ELP3: variants seen among roughly 807,000 people sequenced by gnomAD.
ELP3 encodes the protein elongator acetyltransferase complex subunit 3.
Under a neutral mutation model 74.9 loss-of-function variants are expected in ELP3, and 56 were observed. The ratio of observed to expected loss-of-function variants is 0.75; its 90% CI spans 0.60 to 0.93. The LOEUF is 0.93. Among genes scored for constraint, ELP3 ranks in the 40% least tolerant of loss-of-function variants. The probability of loss-of-function intolerance (pLI) is 0.00; values close to 1 mark genes in which losing one functional copy is unlikely to be tolerated. For synonymous variants in ELP3, 222 were observed against 239.8 expected (o/e 0.93, Z 0.68); for missense variants, 573 against 686.5 (o/e 0.83, Z 1.85).
At chr8:28,136,929 C>T (rs1451186981) in intron 9 of ELP3, among the ~76,000 whole-genome samples, 1 of 152,156 alleles carries the variant, frequency 6.6e-6, no homozygotes, top group African/African-American at 2.4e-5. Context: ...AAGAAAGCAG[C>T]CAGCTGGGGT....
At chr8:28,123,593 A>G (rs944031205) in intron 7 of ELP3, among the ~76,000 whole-genome samples, 12 of 152,222 alleles carry the variant, frequency 7.9e-5, no homozygotes, top group Non-Finnish European at 1.5e-5. Flanking sequence ...AGTTCTATCA[A>G]TTGCTAAGAG....
At chr8:28,158,657 G>A in intron 12 of ELP3, 24 bp downstream of exon 12, 1 of 1,597,044 alleles carries the variant, frequency 6.3e-7, no homozygotes, top group Admixed American at 1.7e-5. Context: ...TGTCATAGAG[G>A]GCCTAGGTAC....
At position 28,114,558 on chromosome 8, in the gene ELP3, G is replaced by A. The variant is rs192873850; in HGVS notation, c.617+1385G>A. 8.5e-5 allele frequency among the ~76,000 whole-genome samples: 13 copies of A among 152,200 alleles called. No homozygotes were observed. The East Asian group carries it at 1.9e-3, about 23-fold the overall frequency. ...CAAATCTCACGTGAAACAACTGAGC[G>A]AGAACTCACTTATCACCAAGGAGAT... On this transcript the variant is annotated intron_variant, in intron 7 of 14. Transcript: ENST00000256398.
intron 11 of ELP3, among the ~76,000 whole-genome samples, chr8:28,157,147 C>A (rs1315504913): frequency 2.0e-5 from 3 of 152,124 alleles, no homozygotes; most frequent in Non-Finnish European, 2.9e-5. Context: ...CCTCATAAGC[C>A]TTGTTAGCCT....
chr8:28,179,574 A>C (rs1814914952), intron 14 of ELP3, among the ~76,000 whole-genome samples: 1 of 152,128 alleles, frequency 6.6e-6, no homozygotes, highest in African/African-American at 2.4e-5. Context: ...CTTTATTCCT[A>C]TTATTACATT....
At chr8:28,103,264 T>G (rs1811563112) in intron 3 of ELP3, among the ~76,000 whole-genome samples, 1 of 152,234 alleles carries the variant, frequency 6.6e-6, no homozygotes, top group African/African-American at 2.4e-5. Flanking sequence ...CCACTGATTG[T>G]TTTATTGTCT....
chr8:28,097,878 T>C (rs187698337), intron 2 of ELP3, among the ~76,000 whole-genome samples: 1 of 152,198 alleles, frequency 6.6e-6, no homozygotes, highest in East Asian at 1.9e-4. Flanking sequence ...AGGTGGGTAA[T>C]CTGAGTCAGA....
At chr8:28,155,866 T>G in intron 10 of ELP3, 76 bp from the exon 11 acceptor site, 1 of 1,235,010 alleles carries the variant, frequency 8.1e-7, no homozygotes, top group Non-Finnish European at 1.2e-6. Flanking sequence ...TTTTTAACTT[T>G]TTTAATATCC....
intron 7 of ELP3, among the ~76,000 whole-genome samples, chr8:28,118,118 T>A (rs1205666408): frequency 2.0e-5 from 3 of 152,212 alleles, no homozygotes; most frequent in African/African-American, 4.8e-5. Flanking sequence ...GCTGACTACA[T>A]AGATGTAAAC....
chr8:28,182,517 C>T (rs533127859), intron 14 of ELP3, among the ~76,000 whole-genome samples: 4 of 152,288 alleles, frequency 2.6e-5, no homozygotes, highest in East Asian at 3.9e-4. Flanking sequence ...GCCGAGATCA[C>T]GCCATTGCAC....
rs138948870 is a variant in ELP3, at chr8:28,099,655, G to A, written c.120-173G>A. On this transcript the variant is annotated intron_variant, in intron 2 of 14. Coordinates refer to ENST00000256398, the MANE Select transcript of ELP3 (RefSeq NM_018091.6). ...AAGGGTGGGAAGTAGTCATTCACTC[G>A]TGAATTTTATTCTTCTATTTCCCTG... 4.1e-3 allele frequency among the ~76,000 whole-genome samples: 618 copies of A among 152,286 alleles called. 7 individuals carry two copies. The highest frequency in any genetic ancestry group is 6.2e-3 in the Non-Finnish European group (423 of 68,028).
intron 12 of ELP3, among the ~76,000 whole-genome samples, chr8:28,159,542 A>G (rs1048621656): frequency 6.6e-6 from 1 of 152,188 alleles, no homozygotes; most frequent in Non-Finnish European, 1.5e-5. Flanking sequence ...TGTGCGTGCA[A>G]TATTGTTACA....
intron 10 of ELP3, 133 bp downstream of exon 10, chr8:28,138,024 G>T: frequency 1.2e-6 from 1 of 818,996 alleles, no homozygotes; most frequent in Non-Finnish European, 1.8e-6. Context: ...AATGCTATCT[G>T]TAAATAGGGA....
chr8:28,118,808 T>G (rs902390754), intron 7 of ELP3: 51 of 152,334 alleles, frequency 3.3e-4, no homozygotes, highest in African/African-American at 1.2e-3. Flanking sequence ...AGTTACCCAT[T>G]AAAAAGTGAG....
chr8:28,097,380 A>T (rs942595026), intron 2 of ELP3, 62 bp downstream of exon 2: 2 of 1,062,986 alleles, frequency 1.9e-6, no homozygotes, highest in Non-Finnish European at 2.9e-6. Context: ...TTATGAAATT[A>T]TCTAGTACTA....
At chr8:28,165,240 G>A (rs1814261914) in intron 14 of ELP3, among the ~76,000 whole-genome samples, 1 of 152,134 alleles carries the variant, frequency 6.6e-6, no homozygotes, top group Non-Finnish European at 1.5e-5. Context: ...TTCTCAGCAT[G>A]ACCAATTATG....
rs907126191 is a variant in ELP3, at chr8:28,190,392, A to G, written c.*667A>G. The G allele has an allele frequency of 6.6e-6, 1 of 152,164 alleles. No individual in the cohort carries two copies. The highest frequency in any genetic ancestry group is 2.1e-4 in the South Asian group (1 of 4,822). 9.4% of individuals were successfully genotyped at this position (152,164 alleles called of 1,614,324 possible). On this transcript the variant is annotated 3_prime_UTR_variant, in exon 15 of 15. Transcript: ENST00000256398. Reference sequence around the variant, plus strand: ...CGAGACGGCGATGACAAAGAGCTTCATTCCACATTCTTTGTTATCTCTACT... The same window carrying G: ...CGAGACGGCGATGACAAAGAGCTTCGTTCCACATTCTTTGTTATCTCTACT...
At chr8:28,122,415 A>G (rs1280590328) in intron 7 of ELP3, among the ~76,000 whole-genome samples, 1 of 152,230 alleles carries the variant, frequency 6.6e-6, no homozygotes, top group Non-Finnish European at 1.5e-5. Flanking sequence ...CACCAGTGAA[A>G]CTATCTAGGG....
chr8:28,171,961 C>T (rs930366062), intron 14 of ELP3, among the ~76,000 whole-genome samples: 5 of 152,028 alleles, frequency 3.3e-5, no homozygotes, highest in South Asian at 2.1e-4. Context: ...AGAAATCAGT[C>T]GAAAAGAAAA....
Sources: allele counts gnomAD v4.1 joint callset (sites outside exome capture counted in the v4.1 genomes callset), GRCh38; gene constraint gnomAD v4.1.1; transcripts MANE v1.5; gene names NCBI Gene and HGNC (gene_info 2026-07-23, HGNC 2026-07-21).